Variants in NCKAP5 observed in about 807,000 individuals in gnomAD.
NCKAP5 encodes the protein nck-associated protein 5.
A neutral mutation model predicts 167.0 loss-of-function variants in NCKAP5; 92 were observed. The ratio of observed to expected loss-of-function variants is 0.55; its 90% confidence interval spans 0.47 to 0.66. The LOEUF is 0.66. NCKAP5 is among the 30% of genes least tolerant of loss of function. The pLI is 0.00. For synonymous variants in NCKAP5, 891 were observed against 877.4 expected (o/e 1.02, Z -0.27); for missense variants, 2,378 against 2,315.0 (o/e 1.03, Z -0.56).
the NCKAP5 span, among the ~76,000 whole-genome samples, chr2:133,656,858 T>TG: frequency 1.3e-5 from 2 of 152,112 alleles, no homozygotes; most frequent in African/African-American, 4.8e-5. Flanking sequence ...TGTGAGATTT[T>TG]GGGGCACATA....
chr2:133,409,462 C>T (rs1261955688), intron 3 of NCKAP5, among the ~76,000 whole-genome samples: 1 of 152,224 alleles, frequency 6.6e-6, no homozygotes, highest in Non-Finnish European at 1.5e-5. Context: ...ATTCAGGTGA[C>T]ATCCCTAAAG....
intron 13 of NCKAP5, among the ~76,000 whole-genome samples, 170 bp downstream of exon 13, chr2:132,789,853 T>C (rs184238684): frequency 1.9e-4 from 29 of 152,286 alleles, no homozygotes; most frequent in African/African-American, 7.0e-4. Flanking sequence ...AGTCAAATAG[T>C]GTTTTATGAG....
chr2:132,728,037 G>A (rs150407522), intron 18 of NCKAP5, among the ~76,000 whole-genome samples: 7,153 of 152,248 alleles, frequency 0.047, 202 homozygotes, highest in Non-Finnish European at 0.071. Context: ...AGTGGGAAGG[G>A]CCAAGGAGGG....
intron 3 of NCKAP5, among the ~76,000 whole-genome samples, chr2:133,438,208 G>T (rs1202805763): frequency 6.6e-6 from 1 of 152,160 alleles, no homozygotes; most frequent in Non-Finnish European, 1.5e-5. Context: ...GGTGTTGTTG[G>T]GTGCCAGCTT....
chr2:133,091,285 G>C (rs1392447269), intron 6 of NCKAP5, among the ~76,000 whole-genome samples: 1 of 152,178 alleles, frequency 6.6e-6, no homozygotes, highest in African/African-American at 2.4e-5. Flanking sequence ...ATGGATCTTA[G>C]CTTGAGATTT....
chr2:132,819,281 TC>T (rs1448847426), intron 11 of NCKAP5, among the ~76,000 whole-genome samples: 1 of 152,186 alleles, frequency 6.6e-6, no homozygotes, highest in East Asian at 1.9e-4. Context: ...GAGTCACTGG[TC>T]CTGGTTGGGG....
chr2:133,187,802 C>A (rs984676757), intron 5 of NCKAP5, among the ~76,000 whole-genome samples: 1 of 151,892 alleles, frequency 6.6e-6, no homozygotes, highest in Non-Finnish European at 1.5e-5. Context: ...ATTGCAACAC[C>A]TGCTTTTTTT....
chr2:132,811,386 A>G (rs1391247370), intron 11 of NCKAP5, among the ~76,000 whole-genome samples: 1 of 152,044 alleles, frequency 6.6e-6, no homozygotes, highest in Non-Finnish European at 1.5e-5. Context: ...AAGACCATCA[A>G]GTGGGGGTGG....
chr2:133,139,750 G>A (rs2082928169), intron 5 of NCKAP5, among the ~76,000 whole-genome samples: 1 of 152,116 alleles, frequency 6.6e-6, no homozygotes, highest in South Asian at 2.1e-4. Flanking sequence ...TGGTTCCTTG[G>A]GTTGGAAAAG....
chr2:133,452,274 A>C (rs1436659129), intron 3 of NCKAP5, among the ~76,000 whole-genome samples: 1 of 152,162 alleles, frequency 6.6e-6, no homozygotes, highest in Non-Finnish European at 1.5e-5. Flanking sequence ...AATTTGAAGG[A>C]CCAAAGCATT....
At chr2:133,064,365 G>A (rs1342606145) in intron 6 of NCKAP5, among the ~76,000 whole-genome samples, 1 of 152,110 alleles carries the variant, frequency 6.6e-6, no homozygotes, top group Non-Finnish European at 1.5e-5. Context: ...GGTTTGTGTA[G>A]GAGAAGAAAT....
chr2:132,690,944 C>T (rs1686654174), intron 19 of NCKAP5, among the ~76,000 whole-genome samples: 2 of 152,282 alleles, frequency 1.3e-5, no homozygotes, highest in South Asian at 4.1e-4. Flanking sequence ...TCTGCCATTT[C>T]CCTCCATCCT....
intron 3 of NCKAP5, among the ~76,000 whole-genome samples, chr2:133,487,282 T>A (rs545084189): frequency 6.6e-6 from 1 of 152,098 alleles, no homozygotes; most frequent in Non-Finnish European, 1.5e-5. Context: ...AGGGAGGAGA[T>A]GCTTTTAAAC....
intron 6 of NCKAP5, among the ~76,000 whole-genome samples, chr2:133,067,261 A>T (rs2080231429): frequency 6.6e-6 from 1 of 152,214 alleles, no homozygotes; most frequent in South Asian, 2.1e-4. Context: ...GTGGTGTCTC[A>T]CATAAGCTCC....
intron 16 of NCKAP5, among the ~76,000 whole-genome samples, chr2:132,746,135 G>A (rs72844782): frequency 0.1 from 15,408 of 151,896 alleles, 970 homozygotes; most frequent in East Asian, 0.14. Flanking sequence ...CAAGGTCAGA[G>A]GTCTGACACT....
chr2:132,706,978 GCC>G (rs1241374515), intron 19 of NCKAP5, among the ~76,000 whole-genome samples: 22 of 152,168 alleles, frequency 1.4e-4, no homozygotes, highest in African/African-American at 5.3e-4. Context: ...ATGAATAGAT[GCC>G]TCCACCCATT....
intron 3 of NCKAP5, among the ~76,000 whole-genome samples, chr2:133,340,972 T>C (rs1360618914): frequency 6.6e-6 from 1 of 152,212 alleles, no homozygotes; most frequent in Non-Finnish European, 1.5e-5. Context: ...ACTATTCTAG[T>C]CACCTGCTTC....
chr2:133,271,014 G>A (rs1480504185), intron 4 of NCKAP5, among the ~76,000 whole-genome samples: 1 of 150,872 alleles, frequency 6.6e-6, no homozygotes, highest in East Asian at 1.9e-4. Flanking sequence ...CTGCCTCCCG[G>A]GTTCACGTCA....
intron 19 of NCKAP5, among the ~76,000 whole-genome samples, chr2:132,685,206 G>A (rs1341711391): frequency 2.6e-5 from 4 of 152,132 alleles, no homozygotes; most frequent in African/African-American, 7.2e-5. Flanking sequence ...TATAGCAGAC[G>A]ATGACCTTCT....
Sources: gnomAD v4.1 joint callset for allele counts (sites outside exome capture counted in the v4.1 genomes callset) on GRCh38, gnomAD v4.1.1 for gene constraint, MANE v1.5 for transcripts, NCBI Gene and HGNC (gene_info 2026-07-23, HGNC 2026-07-21) for gene names.